The following SUN1 variants were observed in gnomAD, a reference collection of about 807,000 sequenced individuals.
SUN1 encodes the protein SUN domain-containing protein 1.
A neutral mutation model predicts 103.2 loss-of-function variants in SUN1; 61 were observed. The observed-to-expected ratio is 0.59, with a 90% CI of 0.48 to 0.73. SUN1 has a LOEUF of 0.73. Ranked by LOEUF, SUN1 falls within the 30% of genes least tolerant of loss-of-function variation. The pLI, the probability that SUN1 is intolerant of heterozygous loss-of-function variation, is 0.00. For synonymous variants in SUN1, 490 were observed against 425.7 expected (o/e 1.15, Z -1.86); for missense variants, 1,052 against 1,034.6 (o/e 1.02, Z -0.23).
At chr7:853,868 A>G (rs929606173) in intron 10 of SUN1, among the ~76,000 whole-genome samples, 5 of 152,218 alleles carry the variant, frequency 3.3e-5, no homozygotes, top group Admixed American at 1.3e-4. Flanking sequence ...GATAACCCCA[A>G]GCGGGAAGTC....
intron 12 of SUN1, among the ~76,000 whole-genome samples, chr7:857,446 C>T (rs1486112335): frequency 6.6e-6 from 1 of 152,194 alleles, no homozygotes; most frequent in Non-Finnish European, 1.5e-5. Context: ...AGTGATCTGC[C>T]TGCCTCAGCC....
intron 16 of SUN1, among the ~76,000 whole-genome samples, chr7:867,342 G>A (rs576465928): frequency 3.3e-5 from 5 of 152,376 alleles, no homozygotes; most frequent in African/African-American, 4.8e-5. Flanking sequence ...GAGTGCCACC[G>A]GCACAGTCTG....
chr7:869,875 C>T (rs966957526), intron 17 of SUN1, among the ~76,000 whole-genome samples: 1 of 152,066 alleles, frequency 6.6e-6, no homozygotes, highest in Non-Finnish European at 1.5e-5. Context: ...AGAAACCCAC[C>T]ATTCATACTG....
At chr7:870,141 G>T (rs1840390053) in intron 17 of SUN1, among the ~76,000 whole-genome samples, 1 of 150,504 alleles carries the variant, frequency 6.6e-6, no homozygotes. Context: ...GGAGGTGGAG[G>T]TTGCCGTGAG....
intron 17 of SUN1, 32 bp downstream of exon 17, chr7:869,548 A>T: frequency 1.2e-6 from 2 of 1,601,000 alleles, no homozygotes; most frequent in Non-Finnish European, 8.5e-7. Context: ...TCCTCCTCCC[A>T]CACCTTCCTG....
Position 843,466 on chromosome 7 carries a change from C to A in SUN1, c.604C>A (p.Pro202Thr), listed in dbSNP as rs2128306216. Residue 202 changes from proline (P) to threonine (T), a missense_variant, in exon 5 of 19, where the codon CCC (proline) becomes ACC (threonine). By Grantham distance (38) the Pro-to-Thr change is conservative (BLOSUM62 -1). Around this residue, in one of 2 missense-constraint regions of SUN1, gnomAD observed 846 missense variants for 774.5 expected, o/e 1.09. Transcript: ENST00000401592. ...GCGCAAGGACGTGCTCACGGCGCACCCCGCGGCCCCCGGGCCCGTGTCGAG... is the reference window on the plus strand; with the variant it reads ...GCGCAAGGACGTGCTCACGGCGCACACCGCGGCCCCCGGGCCCGTGTCGAG... ...SERKDVLTAH[P>T]AAPGPVSRVY... The A allele has an allele frequency of 6.2e-7, 1 of 1,614,076 alleles. No homozygotes were observed. Among genetic ancestry groups the A allele is most frequent in the Non-Finnish European group, 8.5e-7 (1 of 1,179,948 alleles).
At position 838,889 on chromosome 7, in the gene SUN1, C is replaced by T. The variant is rs746512215; in HGVS notation, c.169C>T (p.Arg57Cys). 16 of 1,608,860 alleles carry T rather than the reference C, an allele frequency of 9.9e-6. No homozygotes were observed. In the African/African-American group the frequency reaches 1.2e-4, roughly 12 times the overall value. The change falls in exon 2 of 19, where the codon CGC becomes TGC. Residue 57 changes from arginine (R) to cysteine (C), a missense_variant. Arg to Cys is a radical substitution (Grantham distance 180). Transcript: ENST00000401592. ...DSPRMSRRSL[R>C]LATTACTLGD... ...TCCACGGATGTCCCGCCGTAGTTTG[C>T]GCCTGGCCACGACAGCATGCACCCT...
At chr7:855,097 CT>C in intron 11 of SUN1, 91 bp downstream of exon 11, 2 of 972,606 alleles carry the variant, frequency 2.1e-6, no homozygotes, top group Non-Finnish European at 1.5e-6. Context: ...TAATGTTCCT[CT>C]TTTTAGGCTA....
At chr7:870,078 C>T (rs967113795) in intron 17 of SUN1, among the ~76,000 whole-genome samples, 2 of 150,162 alleles carry the variant, frequency 1.3e-5, no homozygotes, top group South Asian at 2.1e-4. Context: ...TGGTGGCGCA[C>T]GCCTGTAATC....
chr7:843,068 G>C, intron 3 of SUN1, 138 bp from the exon 4 acceptor site: 1 of 1,264,934 alleles, frequency 7.9e-7, no homozygotes, highest in East Asian at 2.3e-5. Context: ...AGGCATTTTA[G>C]GAAATAAACT....
Position 843,103 on chromosome 7 carries a change from T to G in SUN1, c.452-103T>G, listed in dbSNP as rs1811756161. ...TGTGACCAGTGCCATAATGCTGATT[T>G]ATTAACCATTGTAACCTTTACATTT... On this transcript the variant is annotated intron_variant, in intron 3 of 18. Coordinates refer to ENST00000401592, the MANE Select transcript of SUN1 (RefSeq NM_001130965.3). The G allele has an allele frequency of 2.6e-6, 4 of 1,520,296 alleles. No homozygotes were observed. The African/African-American group carries it at 4.2e-5, about 16-fold the overall frequency. The allele number at this position is 1,520,296 out of a possible 1,614,324, so 94.2% of individuals were successfully genotyped here.
chr7:826,008 T>A (rs1260828958), intron 1 of SUN1, among the ~76,000 whole-genome samples: 2 of 152,002 alleles, frequency 1.3e-5, no homozygotes, highest in Non-Finnish European at 2.9e-5. Flanking sequence ...TTTGGGAGGC[T>A]GAGGAAAATC....
chr7:870,066 C>A (rs1412882715), intron 17 of SUN1, among the ~76,000 whole-genome samples: 3 of 150,116 alleles, frequency 2.0e-5, no homozygotes, highest in Non-Finnish European at 3.0e-5. Context: ...ATGAGCCAGG[C>A]TTGGTGGCGC....
chr7:843,516 A>G lies in SUN1; in HGVS notation c.654A>G (p.Gln218=). 8 of 1,614,062 alleles carry G rather than the reference A, an allele frequency of 5.0e-6. No homozygotes were observed. The highest frequency in any genetic ancestry group is 6.8e-6 in the Non-Finnish European group (8 of 1,179,936). ...GAGTTTATTCTAGGGACAGGAATCA[A>G]AAATGTAAGTCTCAGTCCTTTAAAA... is the stretch of plus-strand genomic sequence containing the variant. ...VSRVYSRDRN[Q]KCYFLLQILR... The change falls in exon 5 of 19, where the codon CAA becomes CAG. Residue 218 remains glutamine, a synonymous_variant. Coordinates refer to ENST00000401592, the MANE Select transcript of SUN1 (RefSeq NM_001130965.3).
chr7:872,668 C>T (rs901123857), intron 18 of SUN1, 106 bp downstream of exon 18: 4 of 864,834 alleles, frequency 4.6e-6, no homozygotes, highest in Non-Finnish European at 7.3e-6. Context: ...TGAGGACCAT[C>T]CTTTGAAAAA....
rs145904912 is a variant in SUN1, at chr7:862,542, A to C, written c.1864+1078A>C. On this transcript the variant is annotated intron_variant, in intron 15 of 18. Transcript: ENST00000401592. ...GTTTGTTTAAAATGACCTTTTTAGA[A>C]TATTAAGTGCTTTTAGTTATATATT... Among the ~76,000 whole-genome samples, 5 of 152,230 alleles carry C rather than the reference A, an allele frequency of 3.3e-5. No individual in the cohort carries two copies. The East Asian group carries it at 9.6e-4, about 29-fold the overall frequency.
intron 17 of SUN1, among the ~76,000 whole-genome samples, chr7:870,671 C>T: frequency 6.8e-6 from 1 of 148,020 alleles, no homozygotes; most frequent in East Asian, 2.0e-4. Context: ...CCTCAAGTAG[C>T]ATCAATCCCC....
At chr7:817,736 C>G (rs1446353634) in intron 1 of SUN1, among the ~76,000 whole-genome samples, 3 of 152,170 alleles carry the variant, frequency 2.0e-5, no homozygotes, top group Non-Finnish European at 2.9e-5. Context: ...TTTGGTTTAT[C>G]TCATCTGTTG....
intron 1 of SUN1, chr7:817,224 C>T (rs985581743): frequency 3.7e-5 from 22 of 588,502 alleles, no homozygotes; most frequent in Non-Finnish European, 6.1e-5. Flanking sequence ...CCTCCCGAAG[C>T]GCTCGGATCA....
Sources: allele counts gnomAD v4.1 joint callset (sites outside exome capture counted in the v4.1 genomes callset), GRCh38; gene constraint gnomAD v4.1.1; regional missense constraint gnomAD v4.1.1; transcripts MANE v1.5; gene names NCBI Gene and HGNC (gene_info 2026-07-23, HGNC 2026-07-21).